LINGO2: variants seen among roughly 807,000 people sequenced by gnomAD.
LINGO2 encodes the protein leucine rich repeat and Ig domain containing 2.
Under a neutral mutation model 30.6 loss-of-function variants are expected in LINGO2, and 14 were observed. The observed-to-expected ratio is 0.46, with a 90% CI of 0.30 to 0.72. The LOEUF is 0.72. Ranked by LOEUF, LINGO2 falls within the 30% of genes least tolerant of loss-of-function variation. The pLI is 0.07. For synonymous variants in LINGO2, 317 were observed against 288.5 expected, an observed-to-expected ratio of 1.10 and a Z score of -1.00; for missense variants, 729 against 751.7, an observed-to-expected ratio of 0.97 and a Z score of 0.35.
intron 2 of LINGO2, among the ~76,000 whole-genome samples, chr9:28,384,137 T>G (rs1821473501): frequency 6.6e-6 from 1 of 151,718 alleles, no homozygotes; most frequent in South Asian, 2.1e-4. Context: ...TTAGACAATT[T>G]GAAAATTGCA....
intron 1 of LINGO2, among the ~76,000 whole-genome samples, chr9:28,499,340 T>G (rs1819791259): frequency 6.6e-6 from 1 of 152,174 alleles, no homozygotes; most frequent in Non-Finnish European, 1.5e-5. Context: ...ATCTTACTAT[T>G]CAATATGTAT....
intron 1 of LINGO2, among the ~76,000 whole-genome samples, chr9:28,510,675 T>C (rs1323656256): frequency 5.8e-5 from 2 of 34,320 alleles, no homozygotes; most frequent in Non-Finnish European, 1.4e-4. Flanking sequence ...GTGTCAACTG[T>C]ATATATATGT....
chr9:28,925,830 A>G, the LINGO2 span, among the ~76,000 whole-genome samples: 2 of 152,158 alleles, frequency 1.3e-5, no homozygotes, highest in African/African-American at 4.8e-5. Flanking sequence ...TATCTCTTTA[A>G]GGATAACTGA....
chr9:28,910,894 A>G, the LINGO2 span, among the ~76,000 whole-genome samples: 1 of 152,086 alleles, frequency 6.6e-6, no homozygotes, highest in South Asian at 2.1e-4. Flanking sequence ...AATAGAGAAA[A>G]AAATTTGTTG....
the LINGO2 span, among the ~76,000 whole-genome samples, chr9:28,974,369 G>A: frequency 4.1e-4 from 63 of 152,254 alleles, no homozygotes; most frequent in African/African-American, 1.5e-3. Flanking sequence ...TTGTGCCACT[G>A]CACTCCAGCC....
the LINGO2 span, among the ~76,000 whole-genome samples, chr9:28,986,037 A>G: frequency 2.6e-5 from 4 of 151,996 alleles, no homozygotes; most frequent in African/African-American, 4.8e-5. Flanking sequence ...ATTTTTGTGT[A>G]TGTTGTGAGA....
intron 5 of LINGO2, among the ~76,000 whole-genome samples, chr9:28,000,514 T>C (rs961204304): frequency 1.3e-5 from 2 of 152,226 alleles, no homozygotes; most frequent in African/African-American, 4.8e-5. Flanking sequence ...GGAAAATTAT[T>C]TCTTTAGGCA....
the LINGO2 span, among the ~76,000 whole-genome samples, chr9:28,961,559 G>C: frequency 6.6e-6 from 1 of 152,176 alleles, no homozygotes; most frequent in Non-Finnish European, 1.5e-5. Flanking sequence ...TCCAGCTCCA[G>C]AAGAGCTATT....
At chr9:28,755,308 A>G in the LINGO2 span, among the ~76,000 whole-genome samples, 2 of 152,128 alleles carry the variant, frequency 1.3e-5, no homozygotes, top group Non-Finnish European at 2.9e-5. Flanking sequence ...ACCAGAAGAA[A>G]CAAACTGAGC....
intron 1 of LINGO2, chr9:28,599,333 C>A (rs190050185): frequency 6.6e-6 from 1 of 152,128 alleles, no homozygotes; most frequent in Non-Finnish European, 1.5e-5. Context: ...AGAGTATAAT[C>A]TGTATGTAAT....
the LINGO2 span, among the ~76,000 whole-genome samples, chr9:28,876,781 G>C: frequency 6.6e-6 from 1 of 152,062 alleles, no homozygotes; most frequent in Non-Finnish European, 1.5e-5. Context: ...TAGGATGGCT[G>C]GGTCAAATGG....
chr9:28,362,114 C>T (rs937593774), intron 3 of LINGO2, among the ~76,000 whole-genome samples: 5 of 152,142 alleles, frequency 3.3e-5, no homozygotes, highest in East Asian at 3.8e-4. Context: ...TAAAGCTGGA[C>T]GTGGAAATAT....
At chr9:28,667,275 C>T (rs930361559) in intron 1 of LINGO2, among the ~76,000 whole-genome samples, 1 of 152,154 alleles carries the variant, frequency 6.6e-6, no homozygotes, top group African/African-American at 2.4e-5. Context: ...TAAAACCTTT[C>T]TCATATTGGG....
chr9:29,176,771 T>A, the LINGO2 span, among the ~76,000 whole-genome samples: 1 of 152,230 alleles, frequency 6.6e-6, no homozygotes, highest in Admixed American at 6.5e-5. Flanking sequence ...AAAATATACA[T>A]GAAATTTCTA....
chr9:28,574,956 G>C (rs970791991), intron 1 of LINGO2, among the ~76,000 whole-genome samples: 2 of 152,182 alleles, frequency 1.3e-5, no homozygotes, highest in Non-Finnish European at 2.9e-5. Context: ...AATCAAGCTA[G>C]ATGCTCATCA....
chr9:27,949,086 G>A (rs746633622), exon 6 of LINGO2: 3 of 1,614,154 alleles, frequency 1.9e-6, no homozygotes, highest in South Asian at 1.1e-5. Context: ...ATTGGCATTG[G>A]TGCCATTGGA....
intron 4 of LINGO2, among the ~76,000 whole-genome samples, chr9:28,021,014 T>C (rs959176325): frequency 6.6e-6 from 1 of 152,120 alleles, no homozygotes; most frequent in Non-Finnish European, 1.5e-5. Context: ...TTTTCTTTGT[T>C]TTCTTTCTTT....
intron 1 of LINGO2, among the ~76,000 whole-genome samples, chr9:28,573,434 C>T (rs1462387728): frequency 6.6e-6 from 1 of 152,084 alleles, no homozygotes; most frequent in Admixed American, 6.6e-5. Context: ...TAGAGCTGTG[C>T]CACCTCAAAA....
intron 5 of LINGO2, among the ~76,000 whole-genome samples, chr9:27,956,160 C>T (rs1374380877): frequency 6.6e-6 from 1 of 152,068 alleles, no homozygotes; most frequent in Non-Finnish European, 1.5e-5. Flanking sequence ...AGGCTGGTCT[C>T]GAACTCCGGA....
Sources: gnomAD v4.1 joint callset for allele counts (sites outside exome capture counted in the v4.1 genomes callset) on GRCh38, gnomAD v4.1.1 for gene constraint, MANE v1.5 for transcripts, NCBI Gene and HGNC (gene_info 2026-07-23, HGNC 2026-07-21) for gene names.